The following MYRIP variants were observed in gnomAD, a reference collection of about 807,000 sequenced individuals.
MYRIP encodes the protein rab effector MyRIP.
A neutral mutation model predicts 98.0 loss-of-function variants in MYRIP; 49 were observed. The ratio of observed to expected loss-of-function variants is 0.50; its 90% CI spans 0.40 to 0.63. MYRIP has a LOEUF of 0.63. MYRIP is among the 30% of genes least tolerant of loss of function. The pLI is 0.00. For synonymous variants in MYRIP, 404 were observed against 409.5 expected (o/e 0.99, Z 0.16); for missense variants, 1,004 against 1,058.2 (o/e 0.95, Z 0.71).
chr3:40,140,185 A>C (rs1949862222), intron 3 of MYRIP, among the ~76,000 whole-genome samples: 1 of 152,224 alleles, frequency 6.6e-6, no homozygotes, highest in South Asian at 2.1e-4. Flanking sequence ...CTGACAATGG[A>C]ATTACTGTAC....
At chr3:39,997,066 C>A (rs1386730563) in intron 2 of MYRIP, among the ~76,000 whole-genome samples, 2 of 151,990 alleles carry the variant, frequency 1.3e-5, no homozygotes, top group Admixed American at 1.3e-4. Flanking sequence ...CACTAAATGC[C>A]CACAAGAGAA....
intron 1 of MYRIP, among the ~76,000 whole-genome samples, chr3:39,882,140 G>A (rs917853350): frequency 1.3e-5 from 2 of 151,818 alleles, no homozygotes; most frequent in Non-Finnish European, 2.9e-5. Context: ...TTTTTTTAGT[G>A]AGCTGTAGTA....
At position 40,088,634 on chromosome 3, in the gene MYRIP, G is replaced by A. The variant is rs187861713; in HGVS notation, c.332+44363G>A. Among the ~76,000 whole-genome samples the A allele has an allele frequency of 5.0e-3, 765 of 152,248 alleles. 6 individuals are homozygous for A. Among genetic ancestry groups the A allele is most frequent in the Non-Finnish European group, 7.1e-3 (482 of 68,004 alleles). On this transcript the variant is annotated intron_variant, in intron 3 of 16. Coordinates refer to ENST00000302541, the MANE Select transcript of MYRIP (RefSeq NM_015460.4). The stretch of plus-strand genomic sequence containing the variant: ...CCTACAGAGCTAGTGCTGGTGCTGG[G>A]AGGTCACCCAGCAGGCAGTGCAGAG...
chr3:39,971,896 T>C (rs1461289989), intron 2 of MYRIP, among the ~76,000 whole-genome samples: 1 of 152,120 alleles, frequency 6.6e-6, no homozygotes, highest in East Asian at 1.9e-4. Flanking sequence ...TGCCATCTGT[T>C]GACCATAAAT....
At chr3:40,206,959 A>C (rs2679810) in intron 10 of MYRIP, among the ~76,000 whole-genome samples, 61,246 of 152,086 alleles carry the variant, frequency 0.4, 15,017 homozygotes, top group Non-Finnish European at 0.55. Context: ...TAATATTAAT[A>C]AAAGTAAACT....
intron 2 of MYRIP, among the ~76,000 whole-genome samples, chr3:39,944,767 T>C (rs1034400643): frequency 6.6e-6 from 1 of 152,170 alleles, no homozygotes; most frequent in Admixed American, 6.5e-5. Context: ...AAAAGTTTTT[T>C]TCTTAGACTT....
intron 2 of MYRIP, among the ~76,000 whole-genome samples, chr3:39,945,498 A>AG (rs1944882154): frequency 6.7e-6 from 1 of 149,492 alleles, no homozygotes; most frequent in Non-Finnish European, 1.5e-5. Context: ...AAAAGAAAAA[A>AG]GAAAAAAAAA....
intron 16 of MYRIP, among the ~76,000 whole-genome samples, chr3:40,252,329 A>G (rs1477501269): frequency 6.6e-6 from 1 of 152,218 alleles, no homozygotes; most frequent in Non-Finnish European, 1.5e-5. Flanking sequence ...GCACTTGGAC[A>G]TACCAAAATG....
chr3:40,003,869 T>C (rs1408181950), intron 2 of MYRIP, among the ~76,000 whole-genome samples: 2 of 152,200 alleles, frequency 1.3e-5, no homozygotes, highest in Non-Finnish European at 2.9e-5. Flanking sequence ...GGTTTATACC[T>C]GAATAATTTG....
chr3:40,191,535 TTC>T (rs1951209301), intron 10 of MYRIP, among the ~76,000 whole-genome samples: 1 of 152,162 alleles, frequency 6.6e-6, no homozygotes, highest in Admixed American at 6.5e-5. Flanking sequence ...CACCAGTGTC[TTC>T]TACAAGATCT....
intron 5 of MYRIP, among the ~76,000 whole-genome samples, chr3:40,164,780 AT>A (rs1375526401): frequency 6.6e-6 from 1 of 152,166 alleles, no homozygotes; most frequent in African/African-American, 2.4e-5. Context: ...CATCACTTTC[AT>A]CCAAGAATTA....
At chr3:39,997,826 C>G (rs1015972374) in intron 2 of MYRIP, among the ~76,000 whole-genome samples, 10 of 152,114 alleles carry the variant, frequency 6.6e-5, no homozygotes, top group African/African-American at 2.4e-4. Flanking sequence ...CGTCAAAAAG[C>G]TTATCCACCG....
chr3:40,190,335 C>T lies in MYRIP; in HGVS notation c.1537C>T (p.Pro513Ser), dbSNP rs1559443483. 6.2e-7 allele frequency: 1 copy of T among 1,613,898 alleles called. No individual in the cohort carries two copies. Reference sequence around the variant, plus strand: ...CAGGGAGACCTCGGACAGCAGCGAGCCGGAGGAGGCCCCCCACACCACAGA... The same window carrying T: ...CAGGGAGACCTCGGACAGCAGCGAGTCGGAGGAGGCCCCCCACACCACAGA... ...ASRETSDSSE[P>S]EEAPHTTDRR... Residue 513 changes from proline to serine, a missense_variant, in exon 10 of 17, where the codon CCG (proline) becomes TCG (serine). Transcript: ENST00000302541.
chr3:39,888,242 C>T (rs1187575670), intron 1 of MYRIP, among the ~76,000 whole-genome samples: 15 of 152,246 alleles, frequency 9.9e-5, no homozygotes, highest in Middle Eastern at 3.4e-3. Flanking sequence ...GCCAAAAGAA[C>T]AAAGCTGGAG....
rs1277590789 is a variant in MYRIP, at chr3:39,841,857, T to C, written c.-31+31941T>C. 2.0e-5 allele frequency among the ~76,000 whole-genome samples: 3 copies of C among 152,184 alleles called. No homozygotes were observed. The East Asian group carries it at 5.8e-4, about 29-fold the overall frequency. ...TCAACCTAGAGGGGCACCCCGCAGA[T>C]GCCAGCTGGAGCTCTGCTGTATAAG... On this transcript the variant is annotated intron_variant, in intron 1 of 16. Coordinates refer to ENST00000302541, the MANE Select transcript of MYRIP (RefSeq NM_015460.4).
At chr3:40,077,671 G>A (rs1948378627) in intron 3 of MYRIP, among the ~76,000 whole-genome samples, 1 of 150,418 alleles carries the variant, frequency 6.6e-6, no homozygotes, top group Non-Finnish European at 1.5e-5. Flanking sequence ...CAATCCTTGA[G>A]CTAGACATAA....
At position 39,913,858 on chromosome 3, in the gene MYRIP, C is replaced by T. The variant is rs536864762; in HGVS notation, c.110+12932C>T. Among the ~76,000 whole-genome samples, 404 of 152,306 alleles carry T rather than the reference C, an allele frequency of 2.7e-3. 1 individual carries two copies. Among genetic ancestry groups the T allele is most frequent in the Non-Finnish European group, 4.4e-3 (301 of 68,010 alleles). The stretch of plus-strand genomic sequence containing the variant: ...CTGAAGAAATAGTGATGGGCTTTCC[C>T]ATCACTGTTTTTGTTCCACATTCTA... On this transcript the variant is annotated intron_variant, in intron 2 of 16. Transcript: ENST00000302541.
At chr3:40,062,385 T>C (rs1264405720) in intron 3 of MYRIP, among the ~76,000 whole-genome samples, 1 of 152,212 alleles carries the variant, frequency 6.6e-6, no homozygotes, top group Non-Finnish European at 1.5e-5. Context: ...TTGTCAGCTT[T>C]GTTGAAGATC....
Position 40,093,583 on chromosome 3 carries a change from C to T in MYRIP, c.332+49312C>T, listed in dbSNP as rs953011805. Among the ~76,000 whole-genome samples the T allele has an allele frequency of 5.1e-4, 77 of 152,330 alleles. 2 individuals are homozygous for T. Among genetic ancestry groups the T allele is most frequent in the East Asian group, 1.9e-4 (1 of 5,188 alleles). On this transcript the variant is annotated intron_variant, in intron 3 of 16. Transcript: ENST00000302541. ...TTATTGCTATCAGGTATGTTTACCC[C>T]GTGAGGGGATCCTGGGACCAAGTCT...
Sources: allele counts gnomAD v4.1 joint callset (sites outside exome capture counted in the v4.1 genomes callset), GRCh38; gene constraint gnomAD v4.1.1; transcripts MANE v1.5; gene names NCBI Gene and HGNC (gene_info 2026-07-23, HGNC 2026-07-21).